DNAH11: variants seen among roughly 807,000 people sequenced by gnomAD.
DNAH11 encodes the protein axonemal beta dynein heavy chain 11.
A neutral mutation model predicts 526.0 loss-of-function variants in DNAH11; 442 were observed. The ratio of observed to expected loss-of-function variants is 0.84; its 90% confidence interval spans 0.78 to 0.91. The LOEUF (loss-of-function observed/expected upper bound fraction) is 0.91, where lower values mean the gene tolerates loss of function less well. DNAH11 is among the 40% of genes least tolerant of loss of function. The pLI is 0.00. For synonymous variants in DNAH11, 2,461 were observed against 1,935.9 expected (o/e 1.27, Z -7.12); for missense variants, 6,989 against 5,448.7 (o/e 1.28, Z -8.90).
intron 57 of DNAH11, among the ~76,000 whole-genome samples, chr7:21,783,458 A>G (rs910686195): frequency 7.9e-5 from 12 of 152,280 alleles, no homozygotes; most frequent in Admixed American, 7.8e-4. Flanking sequence ...GAAGAAATAT[A>G]CTTTTGTTCA....
At chr7:21,613,522 T>C (rs201620925) in intron 20 of DNAH11, among the ~76,000 whole-genome samples, 1 of 105,900 alleles carries the variant, frequency 9.4e-6, no homozygotes, top group East Asian at 3.0e-4. Context: ...CTTGTAAAAA[T>C]GAAAGCAGGA....
chr7:21,895,790 C>T lies in DNAH11; in HGVS notation c.13049+791C>T, dbSNP rs1287705355. ...TCTCGCCCAGGCTGGAGTGCAGTGGCGCGATCTCGGCTCACTGCAAGCTCT... is the reference window on the plus strand; with the variant it reads ...TCTCGCCCAGGCTGGAGTGCAGTGGTGCGATCTCGGCTCACTGCAAGCTCT... On this transcript the variant is annotated intron_variant, in intron 79 of 81. Coordinates refer to ENST00000409508, the MANE Select transcript of DNAH11 (RefSeq NM_001277115.2). Among the ~76,000 whole-genome samples the T allele has an allele frequency of 3.9e-5, 6 of 152,160 alleles. 1 individual carries two copies. Among genetic ancestry groups the T allele is most frequent in the Non-Finnish European group, 7.3e-5 (5 of 68,034 alleles).
intron 14 of DNAH11, among the ~76,000 whole-genome samples, chr7:21,593,706 T>C (rs776439023): frequency 1.1e-4 from 17 of 151,886 alleles, no homozygotes; most frequent in Non-Finnish European, 2.2e-4. Context: ...GATGGGAACA[T>C]GGGGAGTTGA....
rs759688406 is a variant in DNAH11, at chr7:21,616,312, A to G, written c.4095+20A>G. On this transcript the variant is annotated intron_variant, in intron 22 of 81. Coordinates refer to ENST00000409508, the MANE Select transcript of DNAH11 (RefSeq NM_001277115.2). ...GCCAAGGCGAGTTCCATAACTGTCT[A>G]TTACAACAATTTATCTTTCTCAGCA... The G allele has an allele frequency of 5.0e-6, 8 of 1,588,336 alleles. No homozygotes were observed. The highest frequency in any genetic ancestry group is 4.3e-6 in the Non-Finnish European group (5 of 1,160,140).
intron 81 of DNAH11, 135 bp from the exon 82 acceptor site, chr7:21,900,872 A>AGTAAAAATACCACTGACAAGCAAAAAT: frequency 2.1e-6 from 3 of 1,414,246 alleles, no homozygotes. Flanking sequence ...CGGCCAGCTC[A>AGTAAAAATACCACTGACAAGCAAAAAT]GTAAAAATAC....
intron 54 of DNAH11, among the ~76,000 whole-genome samples, chr7:21,764,734 T>C (rs1418682173): frequency 1.3e-5 from 2 of 152,206 alleles, no homozygotes; most frequent in Non-Finnish European, 1.5e-5. Context: ...ACAGAATCCC[T>C]TGTGTCCCTA....
chr7:21,745,083 T>C lies in DNAH11; in HGVS notation c.8510+20T>C. 6.3e-7 allele frequency: 1 copy of C among 1,588,908 alleles called. No individual in the cohort carries two copies. The highest frequency in any genetic ancestry group is 8.6e-7 in the Non-Finnish European group (1 of 1,166,652). On this transcript the variant is annotated intron_variant, in intron 51 of 81. Transcript: ENST00000409508. ...ACATGTGTGAGTTAACTAGTCACGA[T>C]GCTTTTCCACAAAAGGAAGAATGGC...
intron 2 of DNAH11, among the ~76,000 whole-genome samples, chr7:21,551,152 C>A (rs1016829683): frequency 3.3e-5 from 5 of 152,108 alleles, no homozygotes; most frequent in Non-Finnish European, 7.3e-5. Flanking sequence ...CAAGAAGTAC[C>A]CATTTGCCAT....
At chr7:21,553,504 CG>C (rs963649827) in intron 2 of DNAH11, among the ~76,000 whole-genome samples, 4 of 152,156 alleles carry the variant, frequency 2.6e-5, no homozygotes, top group Non-Finnish European at 5.9e-5. Flanking sequence ...TCTTCTCCCT[CG>C]GGTCCCACCT....
intron 54 of DNAH11, among the ~76,000 whole-genome samples, chr7:21,755,036 T>C (rs995848478): frequency 1.3e-5 from 2 of 152,180 alleles, no homozygotes; most frequent in Non-Finnish European, 2.9e-5. Flanking sequence ...GAAAGCTTAA[T>C]GTGTTACAGG....
At chr7:21,766,428 C>G (rs184913901) in intron 55 of DNAH11, among the ~76,000 whole-genome samples, 69 of 152,218 alleles carry the variant, frequency 4.5e-4, no homozygotes, top group Admixed American at 5.9e-4. Flanking sequence ...TAGAATAGGT[C>G]AGACACTGAA....
chr7:21,599,580 A>C (rs1784993532), intron 14 of DNAH11, among the ~76,000 whole-genome samples: 1 of 152,196 alleles, frequency 6.6e-6, no homozygotes, highest in Non-Finnish European at 1.5e-5. Context: ...ACAACTTTTG[A>C]ATGTATTTCA....
chr7:21,619,726 C>G (rs927850032), intron 24 of DNAH11, among the ~76,000 whole-genome samples: 3 of 152,138 alleles, frequency 2.0e-5, no homozygotes, highest in Non-Finnish European at 4.4e-5. Context: ...GGATGATAAA[C>G]TCACATTCAG....
In DNAH11 at chr7:21,738,797, C is replaced by A. The variant is rs750364484; in HGVS notation, c.7742C>A (p.Pro2581His). The change falls in exon 47 of 82, where the codon CCT becomes CAT. Residue 2581 changes from proline (P) to histidine (H), a missense_variant. Pro to His is a moderately conservative substitution (Grantham distance 77). Transcript: ENST00000409508. The stretch of plus-strand genomic sequence containing the variant: ...TATTTTATCGACGACATGAACATGC[C>A]TGAAGTGGACTTATATGGCACCGTT... ...LIYFIDDMNMPEVDLYGTVQP... is the reference protein window; with the variant it reads ...LIYFIDDMNMHEVDLYGTVQP... 6.2e-7 allele frequency: 1 copy of A among 1,602,210 alleles called. No individual in the cohort carries two copies.
intron 25 of DNAH11, among the ~76,000 whole-genome samples, chr7:21,626,828 G>A (rs886554310): frequency 7.3e-6 from 1 of 136,972 alleles, no homozygotes; most frequent in African/African-American, 2.8e-5. Flanking sequence ...TCGGCTCACT[G>A]CAAGCTCTGC....
rs1240400733 is a variant in DNAH11 at position 21,585,431 on chromosome 7, A to G, written c.1711-2633A>G. On this transcript the variant is annotated intron_variant, in intron 9 of 81. Transcript: ENST00000409508. ...CCATTTACTGTTGGTCCCTGGGAAA[A>G]AAATATTTATAGATGGTTCTCTGAA... 4.6e-5 allele frequency among the ~76,000 whole-genome samples: 7 copies of G among 152,204 alleles called. No individual in the cohort carries two copies. In the East Asian group the frequency reaches 1.2e-3, roughly 25 times the overall value.
chr7:21,564,389 A>G lies in DNAH11; in HGVS notation c.1186A>G (p.Ile396Val), dbSNP rs1222195079. 2 of 1,611,464 alleles carry G rather than the reference A, an allele frequency of 1.2e-6. No homozygotes were observed. Among genetic ancestry groups the G allele is most frequent in the Non-Finnish European group, 8.5e-7 (1 of 1,178,728 alleles). Residue 396 changes from isoleucine to valine, a missense_variant, in exon 6 of 82, where the codon ATT becomes GTT. Transcript: ENST00000409508. ...ATTGCAAGAGTTTTGTAATCTCTTCATTAACCAGGTATGAAGCATCAAAAA... is the reference window on the plus strand; with the variant it reads ...ATTGCAAGAGTTTTGTAATCTCTTCGTTAACCAGGTATGAAGCATCAAAAA... ...VLLQEFCNLF[I>V]NQATAYLSPE...
At chr7:21,591,646 A>G in intron 14 of DNAH11, 69 bp downstream of exon 14, 1 of 1,407,752 alleles carries the variant, frequency 7.1e-7, no homozygotes, top group East Asian at 2.4e-5. Flanking sequence ...AAAAATCTTT[A>G]ACCTAATAAT....
intron 27 of DNAH11, among the ~76,000 whole-genome samples, 178 bp from the exon 28 acceptor site, chr7:21,638,761 A>G (rs1208832430): frequency 6.6e-6 from 1 of 151,050 alleles, no homozygotes; most frequent in African/African-American, 2.4e-5. Context: ...TCTACTTGGC[A>G]TAATGTATAT....
Sources: gnomAD v4.1 joint callset for allele counts (sites outside exome capture counted in the v4.1 genomes callset) on GRCh38, gnomAD v4.1.1 for gene constraint, MANE v1.5 for transcripts, NCBI Gene and HGNC (gene_info 2026-07-23, HGNC 2026-07-21) for gene names.